The following IL1RAPL1 variants were observed in gnomAD, a reference collection of about 807,000 sequenced individuals.
IL1RAPL1 encodes interleukin-1 receptor accessory protein-like 1.
Under a neutral mutation model 48.4 loss-of-function variants are expected in IL1RAPL1, and 3 were observed. That is an observed-to-expected ratio of 0.06 (90% CI 0.03 to 0.16). IL1RAPL1 has a LOEUF of 0.16. IL1RAPL1 is among the 10% of genes least tolerant of loss of function. The pLI, the probability that IL1RAPL1 is intolerant of heterozygous loss-of-function variation, is 1.00. For synonymous variants in IL1RAPL1, 185 were observed against 187.7 expected (o/e 0.99, Z 0.12); for missense variants, 349 against 530.6 (o/e 0.66, Z 3.36).
At chrX:29,012,320 A>G (rs1926141967) in intron 2 of IL1RAPL1, among the ~76,000 whole-genome samples, 1 of 112,056 alleles carries the variant, frequency 8.9e-6, no homozygotes, top group African/African-American at 3.2e-5. Flanking sequence ...AGGCGGGTAG[A>G]TCGCCTGAGG....
rs187243891 is a variant in IL1RAPL1 at position 28,845,201 on chromosome X, G to A, written c.82+55776G>A. 6.2e-3 allele frequency among the ~76,000 whole-genome samples: 684 copies of A among 111,132 alleles called. 2 individuals carry two copies. Among genetic ancestry groups the A allele is most frequent in the Non-Finnish European group, 0.011 (568 of 52,834 alleles). On this transcript the variant is annotated intron_variant, in intron 2 of 10. Transcript: ENST00000378993. ...GAATGATGTAGGGTCTTGTTTATTA[G>A]ACATTTTTCCCCAGGGTTTACATAG... is the stretch of plus-strand genomic sequence containing the variant.
At chrX:29,578,987 ACT>A (rs1293291038) in intron 5 of IL1RAPL1, among the ~76,000 whole-genome samples, 2 of 111,479 alleles carry the variant, frequency 1.8e-5, no homozygotes, top group Admixed American at 9.6e-5. Context: ...CATCAGGGAC[ACT>A]CTTTATTTCA....
chrX:28,873,392 C>G (rs1340384035), intron 2 of IL1RAPL1, among the ~76,000 whole-genome samples: 1 of 104,400 alleles, frequency 9.6e-6, no homozygotes, highest in East Asian at 3.1e-4. Context: ...ATTACAGGCG[C>G]GAGCCACCGA....
chrX:28,606,858 C>A (rs752540664), intron 1 of IL1RAPL1, among the ~76,000 whole-genome samples: 2 of 110,944 alleles, frequency 1.8e-5, no homozygotes, highest in East Asian at 5.6e-4. Context: ...ACATGTTTAA[C>A]ATTTTTGATT....
chrX:29,257,505 C>T (rs1931777800), intron 2 of IL1RAPL1, among the ~76,000 whole-genome samples: 1 of 111,562 alleles, frequency 9.0e-6, no homozygotes, highest in Non-Finnish European at 1.9e-5. Context: ...AGGAAAGATC[C>T]TTTCATGCTT....
chrX:29,180,487 C>T (rs1185737259), intron 2 of IL1RAPL1, among the ~76,000 whole-genome samples: 1 of 109,587 alleles, frequency 9.1e-6, no homozygotes, highest in Non-Finnish European at 1.9e-5. Context: ...AGCAATTCTC[C>T]TGCCTCAACC....
intron 1 of IL1RAPL1, among the ~76,000 whole-genome samples, chrX:28,644,523 C>G (rs1934585751): frequency 1.8e-5 from 2 of 111,403 alleles, no homozygotes; most frequent in Non-Finnish European, 3.8e-5. Context: ...CACCTAGCGC[C>G]TTGCACTCAG....
intron 2 of IL1RAPL1, among the ~76,000 whole-genome samples, chrX:28,889,862 C>T (rs1160581582): frequency 9.0e-6 from 1 of 110,719 alleles, no homozygotes; most frequent in Non-Finnish European, 1.9e-5. Flanking sequence ...AGCCTTTTGT[C>T]GGCATCTATT....
intron 6 of IL1RAPL1, among the ~76,000 whole-genome samples, chrX:29,814,375 C>T (rs1456503095): frequency 2.7e-5 from 3 of 111,473 alleles, no homozygotes; most frequent in Admixed American, 9.5e-5. Flanking sequence ...GCTGCACATA[C>T]GTCTTCTTTT....
At chrX:29,684,930 A>G (rs918683218) in intron 6 of IL1RAPL1, among the ~76,000 whole-genome samples, 4 of 112,455 alleles carry the variant, frequency 3.6e-5, no homozygotes, top group Non-Finnish European at 5.6e-5. Context: ...TACTACGACT[A>G]TTAATTCCCT....
At chrX:29,736,382 C>T (rs1453483024) in intron 6 of IL1RAPL1, among the ~76,000 whole-genome samples, 1 of 111,091 alleles carries the variant, frequency 9.0e-6, no homozygotes, top group African/African-American at 3.3e-5. Flanking sequence ...TTTGACACTG[C>T]CACACTCATT....
intron 2 of IL1RAPL1, among the ~76,000 whole-genome samples, chrX:29,177,182 A>G (rs768049501): frequency 9.0e-5 from 10 of 111,708 alleles, no homozygotes; most frequent in Non-Finnish European, 1.9e-4. Flanking sequence ...CCATTAGAGG[A>G]CATACCATAA....
At chrX:29,405,052 T>C (rs999398929) in intron 5 of IL1RAPL1, among the ~76,000 whole-genome samples, 6 of 109,986 alleles carry the variant, frequency 5.5e-5, no homozygotes, top group African/African-American at 2.0e-4. Flanking sequence ...TAGCTGGAAT[T>C]ACAGACACGT....
At chrX:29,908,375 A>AATATATAT (rs71761547) in intron 6 of IL1RAPL1, among the ~76,000 whole-genome samples, 4 of 102,247 alleles carry the variant, frequency 3.9e-5, no homozygotes, top group African/African-American at 1.4e-4. Flanking sequence ...CCATTTCAAA[A>AATATATAT]ATATATATAT....
chrX:29,396,764 G>T (rs1452559409), intron 4 of IL1RAPL1, among the ~76,000 whole-genome samples: 2 of 111,360 alleles, frequency 1.8e-5, no homozygotes, highest in Non-Finnish European at 3.8e-5. Flanking sequence ...CTTCTTTTCA[G>T]GGTTCTTCAC....
intron 5 of IL1RAPL1, among the ~76,000 whole-genome samples, chrX:29,588,050 A>G (rs1254673245): frequency 8.9e-6 from 1 of 112,710 alleles, no homozygotes; most frequent in Non-Finnish European, 1.9e-5. Flanking sequence ...TACAGTGGTT[A>G]ATATTTTTGG....
chrX:28,810,786 C>A (rs1167894962), intron 2 of IL1RAPL1, among the ~76,000 whole-genome samples: 1 of 109,675 alleles, frequency 9.1e-6, no homozygotes, highest in East Asian at 2.9e-4. Context: ...TGCTTCACAA[C>A]CCCATATTTC....
At chrX:28,803,665 G>A (rs1936698603) in intron 2 of IL1RAPL1, among the ~76,000 whole-genome samples, 1 of 111,657 alleles carries the variant, frequency 9.0e-6, no homozygotes, top group Non-Finnish European at 1.9e-5. Flanking sequence ...TTCCTGTTAT[G>A]AGCACTCATC....
intron 8 of IL1RAPL1, among the ~76,000 whole-genome samples, chrX:29,936,307 T>C (rs1357846491): frequency 1.8e-5 from 2 of 111,200 alleles, no homozygotes; most frequent in Non-Finnish European, 3.8e-5. Flanking sequence ...GAAAAAGAAA[T>C]GTACCTGGTG....
Sources: allele counts gnomAD v4.1 joint callset (sites outside exome capture counted in the v4.1 genomes callset), GRCh38; gene constraint gnomAD v4.1.1; transcripts MANE v1.5; gene names NCBI Gene and HGNC (gene_info 2026-07-23, HGNC 2026-07-21).